GULP1: variants seen among roughly 807,000 people sequenced by gnomAD.
GULP1 encodes PTB domain-containing engulfment adapter protein 1.
In GULP1, 19 loss-of-function variants were observed where a neutral mutation model predicts 40.9. That is an observed-to-expected ratio of 0.46 (90% CI 0.32 to 0.68). GULP1 has a LOEUF of 0.68. Ranked by LOEUF, GULP1 falls within the 30% of genes least tolerant of loss-of-function variation. GULP1 has a pLI of 0.03. For missense variants in GULP1, 312 were observed against 362.2 expected, an observed-to-expected ratio of 0.86 and a Z score of 1.12; for synonymous variants, 119 against 117.6, an observed-to-expected ratio of 1.01 and a Z score of -0.08.
intron 2 of GULP1, among the ~76,000 whole-genome samples, chr2:188,445,651 T>C (rs2058322202): frequency 6.6e-6 from 1 of 152,196 alleles, no homozygotes; most frequent in Admixed American, 6.5e-5. Context: ...AAGCAGTCAA[T>C]AAATTATGAG....
At chr2:188,495,743 G>A (rs2062836631) in intron 4 of GULP1, among the ~76,000 whole-genome samples, 1 of 151,912 alleles carries the variant, frequency 6.6e-6, no homozygotes, top group South Asian at 2.1e-4. Flanking sequence ...AATCTGTACA[G>A]TGCCTAGCAC....
intron 2 of GULP1, among the ~76,000 whole-genome samples, chr2:188,473,120 C>G (rs1469732901): frequency 6.6e-6 from 1 of 152,002 alleles, no homozygotes; most frequent in Non-Finnish European, 1.5e-5. Context: ...TTCTCTTCTT[C>G]TTTTCTTTTT....
intron 2 of GULP1, among the ~76,000 whole-genome samples, chr2:188,414,179 T>C (rs1450750598): frequency 2.2e-5 from 3 of 139,062 alleles, no homozygotes; most frequent in Non-Finnish European, 3.0e-5. Flanking sequence ...ATCACGCCAC[T>C]GCACTCCAGC....
chr2:188,479,777 T>A (rs192266514), intron 3 of GULP1, among the ~76,000 whole-genome samples: 4 of 152,118 alleles, frequency 2.6e-5, no homozygotes, highest in Admixed American at 2.6e-4. Flanking sequence ...TGGTTTTTCA[T>A]TGAGAAATCC....
intron 2 of GULP1, among the ~76,000 whole-genome samples, chr2:188,453,670 G>A (rs2059018865): frequency 6.6e-6 from 1 of 152,206 alleles, no homozygotes; most frequent in Non-Finnish European, 1.5e-5. Context: ...CCAATATGTA[G>A]TTCGAATTAT....
At chr2:188,561,888 A>G (rs1017475032) in intron 7 of GULP1, among the ~76,000 whole-genome samples, 1 of 152,108 alleles carries the variant, frequency 6.6e-6, no homozygotes, top group African/African-American at 2.4e-5. Context: ...GCCCCTACTC[A>G]GCTTGTGACT....
intron 9 of GULP1, among the ~76,000 whole-genome samples, chr2:188,577,952 T>A (rs1700490829): frequency 6.6e-6 from 1 of 151,948 alleles, no homozygotes. Flanking sequence ...TTTTTCGGGT[T>A]TTTTAACTAG....
At chr2:188,556,407 A>C (rs1162271516) in intron 7 of GULP1, among the ~76,000 whole-genome samples, 1 of 152,056 alleles carries the variant, frequency 6.6e-6, no homozygotes, top group East Asian at 1.9e-4. Flanking sequence ...AAACATATCT[A>C]TCTCTTCAGT....
At chr2:188,524,033 G>A (rs961965463) in intron 5 of GULP1, among the ~76,000 whole-genome samples, 1 of 152,092 alleles carries the variant, frequency 6.6e-6, no homozygotes, top group Admixed American at 6.6e-5. Flanking sequence ...ATTTAAAAGG[G>A]CTCACAGTTT....
intron 6 of GULP1, among the ~76,000 whole-genome samples, chr2:188,531,327 T>G (rs899199156): frequency 1.4e-4 from 21 of 152,182 alleles, no homozygotes; most frequent in African/African-American, 5.1e-4. Context: ...ACATAAAAAT[T>G]AACTGAGGCA....
At chr2:188,346,334 A>C (rs572560362) in intron 1 of GULP1, among the ~76,000 whole-genome samples, 1 of 152,364 alleles carries the variant, frequency 6.6e-6, no homozygotes, top group East Asian at 1.9e-4. Flanking sequence ...TGATGAGTCA[A>C]GTAATGCCTC....
chr2:188,308,911 C>G (rs932982591), intron 1 of GULP1, among the ~76,000 whole-genome samples: 1 of 152,040 alleles, frequency 6.6e-6, no homozygotes, highest in Non-Finnish European at 1.5e-5. Context: ...TTTCATGGAG[C>G]TTTTTCTTGT....
At chr2:188,560,168 T>C (rs1015044469) in intron 7 of GULP1, among the ~76,000 whole-genome samples, 1 of 152,212 alleles carries the variant, frequency 6.6e-6, no homozygotes, top group African/African-American at 2.4e-5. Flanking sequence ...TTTCTTTGCT[T>C]ATGCATATGA....
rs186136708 is a variant in GULP1 at position 188,466,123 on chromosome 2, C to T, written c.-44-11536C>T. 4.1e-4 allele frequency among the ~76,000 whole-genome samples: 62 copies of T among 152,196 alleles called. No homozygotes were observed. In the East Asian group the frequency reaches 5.2e-3, roughly 13 times the overall value. On this transcript the variant is annotated intron_variant, in intron 2 of 11. Coordinates refer to ENST00000409830, the MANE Select transcript of GULP1 (RefSeq NM_016315.4). The stretch of plus-strand genomic sequence containing the variant: ...TCTTCTGAAAGTGCAATGCAAAGGT[C>T]ACCAGTTATCTCCATGTTCTGCAAC...
chr2:188,580,357 T>A (rs1027461173), intron 9 of GULP1, among the ~76,000 whole-genome samples: 9 of 151,728 alleles, frequency 5.9e-5, no homozygotes, highest in Non-Finnish European at 1.0e-4. Context: ...ATCGAGACCA[T>A]CCCGGCTAAA....
chr2:188,420,071 G>A (rs886287683), intron 2 of GULP1, among the ~76,000 whole-genome samples: 11 of 152,050 alleles, frequency 7.2e-5, no homozygotes, highest in East Asian at 5.8e-4. Flanking sequence ...CTTTGCTCTG[G>A]CTCCATACTG....
chr2:188,452,304 T>A (rs768861915), intron 2 of GULP1, among the ~76,000 whole-genome samples: 12 of 150,824 alleles, frequency 8.0e-5, no homozygotes, highest in Non-Finnish European at 1.5e-4. Context: ...AACCTGGAGG[T>A]TTTTCACCTC....
chr2:188,359,455 T>G (rs907411027), intron 1 of GULP1, among the ~76,000 whole-genome samples: 7 of 152,148 alleles, frequency 4.6e-5, no homozygotes, highest in African/African-American at 1.7e-4. Flanking sequence ...TCTATCTAAC[T>G]AAGCCAAACT....
chr2:188,478,298 T>C (rs2061187701), intron 3 of GULP1, among the ~76,000 whole-genome samples: 1 of 152,136 alleles, frequency 6.6e-6, no homozygotes, highest in Non-Finnish European at 1.5e-5. Flanking sequence ...TAGATGTTGT[T>C]TTTTAATGGG....
Sources: gnomAD v4.1 joint callset for allele counts (sites outside exome capture counted in the v4.1 genomes callset) on GRCh38, gnomAD v4.1.1 for gene constraint, MANE v1.5 for transcripts, NCBI Gene and HGNC (gene_info 2026-07-23, HGNC 2026-07-21) for gene names.